GBE1: variants seen among roughly 807,000 people sequenced by gnomAD.
GBE1 encodes the protein 1,4-alpha-glucan branching enzyme 1.
In GBE1, 70 loss-of-function variants were observed where a neutral mutation model predicts 88.8. The ratio of observed to expected loss-of-function variants is 0.79; its 90% CI spans 0.65 to 0.96. The LOEUF (loss-of-function observed/expected upper bound fraction) is 0.96, where lower values mean the gene tolerates loss of function less well. Ranked by LOEUF, GBE1 falls within the 40% of genes least tolerant of loss-of-function variation. The pLI, the probability that GBE1 is intolerant of heterozygous loss-of-function variation, is 0.00. For missense variants in GBE1, 872 were observed against 871.0 expected (o/e 1.00, Z -0.01); for synonymous variants, 284 against 300.1 (o/e 0.95, Z 0.56).
intron 10 of GBE1, among the ~76,000 whole-genome samples, chr3:81,584,671 T>C (rs2106943143): frequency 6.6e-6 from 1 of 151,734 alleles, no homozygotes; most frequent in East Asian, 1.9e-4. Context: ...ATGATTATTA[T>C]AGTTATCATG....
intron 6 of GBE1, 67 bp from the exon 7 acceptor site, chr3:81,643,057 C>A: frequency 9.5e-7 from 1 of 1,054,820 alleles, no homozygotes; most frequent in Non-Finnish European, 1.4e-6. Context: ...GATTGTGCAG[C>A]AATTGTTTCA....
intron 14 of GBE1, among the ~76,000 whole-genome samples, chr3:81,524,344 ATT>A (rs992430835): frequency 6.6e-6 from 1 of 151,596 alleles, no homozygotes; most frequent in African/African-American, 2.4e-5. Flanking sequence ...AGATTATTAA[ATT>A]TTTTCCTATT....
chr3:81,554,831 A>G (rs1703324551), intron 12 of GBE1, among the ~76,000 whole-genome samples: 1 of 152,146 alleles, frequency 6.6e-6, no homozygotes, highest in Non-Finnish European at 1.5e-5. Context: ...CATCTCCCAC[A>G]GCCTTTCTTC....
intron 14 of GBE1, among the ~76,000 whole-genome samples, chr3:81,515,247 T>A (rs187170550): frequency 2.0e-4 from 31 of 151,656 alleles, no homozygotes; most frequent in Non-Finnish European, 4.3e-4. Context: ...GTGTCACATT[T>A]TGGTAGTTCT....
intron 14 of GBE1, among the ~76,000 whole-genome samples, chr3:81,500,658 A>C (rs1005561060): frequency 2.0e-5 from 3 of 152,226 alleles, no homozygotes; most frequent in Non-Finnish European, 4.4e-5. Context: ...GGTGTTAAGA[A>C]TCACTGACTG....
At chr3:81,732,875 T>C (rs1000493521) in intron 1 of GBE1, among the ~76,000 whole-genome samples, 4 of 152,156 alleles carry the variant, frequency 2.6e-5, no homozygotes, top group Non-Finnish European at 4.4e-5. Flanking sequence ...TACAAGTATT[T>C]GTGGTGTCAT....
At chr3:81,601,265 C>T (rs1445019202) in intron 7 of GBE1, among the ~76,000 whole-genome samples, 2 of 152,122 alleles carry the variant, frequency 1.3e-5, no homozygotes, top group Non-Finnish European at 2.9e-5. Flanking sequence ...GTTTGGGAAA[C>T]TGAGGCTTAG....
chr3:81,715,715 A>G (rs968386787), intron 1 of GBE1, among the ~76,000 whole-genome samples: 1 of 152,170 alleles, frequency 6.6e-6, no homozygotes, highest in Admixed American at 6.6e-5. Flanking sequence ...TCACTTAACA[A>G]TCTCAGAATT....
intron 3 of GBE1, among the ~76,000 whole-genome samples, chr3:81,657,153 A>C (rs888368893): frequency 5.3e-5 from 8 of 150,252 alleles, no homozygotes; most frequent in African/African-American, 2.0e-4. Context: ...AAAAAACAAA[A>C]CAAAAAAAAA....
In GBE1 at chr3:81,707,675, A is replaced by C. The variant is rs149549121; in HGVS notation, c.144-2062T>G. ...AGAGAGTCACTCAACACAGAGTAAA[A>C]TTTAAGGTTGTCATCATTATACTTT... On this transcript the variant is annotated intron_variant, in intron 1 of 15. Transcript: ENST00000429644. Among the ~76,000 whole-genome samples the C allele has an allele frequency of 2.7e-3, 417 of 152,148 alleles. 2 individuals carry two copies. Among genetic ancestry groups the C allele is most frequent in the Middle Eastern group, 0.014 (4 of 294 alleles).
chr3:81,702,963 T>C (rs548266286), intron 2 of GBE1, among the ~76,000 whole-genome samples: 2 of 152,126 alleles, frequency 1.3e-5, no homozygotes, highest in African/African-American at 2.4e-5. Context: ...TTTTTATGTT[T>C]ATAGAAACTA....
At position 81,643,010 on chromosome 3, in the gene GBE1, CA is replaced by C; in HGVS notation, c.783-21del. On this transcript the variant is annotated intron_variant, in intron 6 of 15. Transcript: ENST00000429644. ...TAACGGCTAACAATGAAGAACACAG[CA>C]AAAAGAAGATTACATCACATTTAGA... 11 of 1,528,666 alleles carry C rather than the reference CA, an allele frequency of 7.2e-6. No homozygotes were observed. The highest frequency in any genetic ancestry group is 9.0e-6 in the Non-Finnish European group (10 of 1,112,460). 94.7% of individuals were successfully genotyped at this position (1,528,666 alleles called of 1,614,324 possible).
intron 2 of GBE1, among the ~76,000 whole-genome samples, chr3:81,686,379 A>G (rs779326160): frequency 1.3e-5 from 2 of 152,140 alleles, no homozygotes; most frequent in East Asian, 1.9e-4. Context: ...ATGCAGGTAC[A>G]TGGGGTCCTA....
At chr3:81,607,491 G>A (rs1186587852) in intron 7 of GBE1, among the ~76,000 whole-genome samples, 1 of 152,172 alleles carries the variant, frequency 6.6e-6, no homozygotes, top group Non-Finnish European at 1.5e-5. Context: ...AGAGGTTACA[G>A]TGAGCCAAGA....
chr3:81,587,040 C>T (rs919986547), intron 9 of GBE1, among the ~76,000 whole-genome samples: 1 of 151,884 alleles, frequency 6.6e-6, no homozygotes, highest in South Asian at 2.1e-4. Flanking sequence ...GACGGGAGTC[C>T]GAACTCCCAT....
intron 1 of GBE1, among the ~76,000 whole-genome samples, chr3:81,724,457 C>A (rs1192717087): frequency 1.3e-5 from 2 of 152,122 alleles, no homozygotes; most frequent in East Asian, 3.9e-4. Flanking sequence ...TAATCAAATT[C>A]ACCCCTGCTC....
intron 12 of GBE1, among the ~76,000 whole-genome samples, chr3:81,544,845 T>A (rs990857734): frequency 1.3e-5 from 2 of 152,160 alleles, no homozygotes; most frequent in Non-Finnish European, 2.9e-5. Flanking sequence ...GCAATATAAC[T>A]AATAAAAAAG....
chr3:81,550,995 G>A (rs116030649), intron 12 of GBE1, among the ~76,000 whole-genome samples: 1,598 of 152,130 alleles, frequency 0.011, 13 homozygotes, highest in Non-Finnish European at 0.014. Context: ...ACCCTCTCTT[G>A]GGGTCTGTAT....
At chr3:81,679,044 G>C (rs1046841689) in intron 2 of GBE1, among the ~76,000 whole-genome samples, 7 of 152,030 alleles carry the variant, frequency 4.6e-5, no homozygotes, top group African/African-American at 1.7e-4. Flanking sequence ...AATGTACATC[G>C]GGCAAGGGAA....
Sources: gnomAD v4.1 joint callset for allele counts (sites outside exome capture counted in the v4.1 genomes callset) on GRCh38, gnomAD v4.1.1 for gene constraint, MANE v1.5 for transcripts, NCBI Gene and HGNC (gene_info 2026-07-23, HGNC 2026-07-21) for gene names.